Variants in SLC43A2 observed in about 807,000 individuals in gnomAD.
SLC43A2 encodes the protein solute carrier family 43 member 2, also known as large neutral amino acids transporter small subunit 4.
Under a neutral mutation model 63.2 loss-of-function variants are expected in SLC43A2, and 38 were observed. The ratio of observed to expected loss-of-function variants is 0.60; its 90% confidence interval spans 0.46 to 0.79. The LOEUF is 0.79. Among genes scored for constraint, SLC43A2 ranks in the 30% least tolerant of loss-of-function variants. The pLI is 0.00. For missense variants in SLC43A2, 644 were observed against 756.2 expected (o/e 0.85, Z 1.74); for synonymous variants, 322 against 331.0 (o/e 0.97, Z 0.30).
chr17:1,607,879 C>A (rs1472051893), intron 5 of SLC43A2, among the ~76,000 whole-genome samples: 1 of 152,140 alleles, frequency 6.6e-6, no homozygotes, highest in Non-Finnish European at 1.5e-5. Context: ...CCACATCTGG[C>A]TAATTTTTGC....
intron 9 of SLC43A2, 48 bp downstream of exon 9, chr17:1,590,754 G>A: frequency 2.6e-6 from 4 of 1,546,688 alleles, no homozygotes; most frequent in Non-Finnish European, 2.6e-6. Flanking sequence ...CAGTGGGCTG[G>A]GCTCAGGCCG....
intron 9 of SLC43A2, chr17:1,586,928 T>TCTCCCC: frequency 4.1e-6 from 5 of 1,232,916 alleles, no homozygotes; most frequent in Middle Eastern, 1.9e-4. Flanking sequence ...TCCCTGACAA[T>TCTCCCC]CCCCCCCACC....
intron 2 of SLC43A2, among the ~76,000 whole-genome samples, chr17:1,622,037 G>A (rs1203239774): frequency 6.6e-6 from 1 of 152,198 alleles, no homozygotes; most frequent in African/African-American, 2.4e-5. Flanking sequence ...AGAAGCCAGG[G>A]GTGGCCAGTG....
intron 9 of SLC43A2, among the ~76,000 whole-genome samples, chr17:1,589,053 G>A (rs1452011650): frequency 6.6e-6 from 1 of 152,362 alleles, no homozygotes; most frequent in Middle Eastern, 3.4e-3. Context: ...GGTGTTGGGT[G>A]TAACGGGTCA....
chr17:1,627,700 A>G lies in SLC43A2; in HGVS notation c.160+15T>C. On this transcript the variant is annotated intron_variant, in intron 2 of 13. Transcript: ENST00000301335. Reference sequence around the variant, plus strand: ...AGCTCCAGGAGCCCCCCGCAACCCCAGGCGCTTGTCTCACCTGGCTCGGTA... The same window carrying G: ...AGCTCCAGGAGCCCCCCGCAACCCCGGGCGCTTGTCTCACCTGGCTCGGTA... 2 of 772,514 alleles carry G rather than the reference A, an allele frequency of 2.6e-6. No individual in the cohort carries two copies. Among genetic ancestry groups the G allele is most frequent in the South Asian group, 3.1e-5 (1 of 32,756 alleles). The allele number at this position is 772,514 out of a possible 1,614,324, so 47.9% of individuals were successfully genotyped here.
At chr17:1,595,469 G>A (rs991025513) in intron 5 of SLC43A2, among the ~76,000 whole-genome samples, 1 of 151,698 alleles carries the variant, frequency 6.6e-6, no homozygotes, top group Non-Finnish European at 1.5e-5. Flanking sequence ...TTGGAGGCAG[G>A]GTATCGCTCT....
intron 11 of SLC43A2, among the ~76,000 whole-genome samples, chr17:1,581,287 G>C (rs1026279603): frequency 6.6e-6 from 1 of 151,948 alleles, no homozygotes; most frequent in African/African-American, 2.4e-5. Flanking sequence ...CTTTCAGTGA[G>C]ACCTACATAA....
At chr17:1,584,045 G>A (rs1353219769) in intron 10 of SLC43A2, among the ~76,000 whole-genome samples, 2 of 151,832 alleles carry the variant, frequency 1.3e-5, no homozygotes, top group South Asian at 2.1e-4. Context: ...ACAGGCACGC[G>A]CCACCTTACC....
intron 2 of SLC43A2, among the ~76,000 whole-genome samples, chr17:1,618,557 T>C (rs1907886642): frequency 6.6e-6 from 1 of 152,162 alleles, no homozygotes; most frequent in African/African-American, 2.4e-5. Context: ...CGTCAGCGTG[T>C]GTGGAAGCGC....
chr17:1,603,748 G>A (rs7503914), intron 5 of SLC43A2, among the ~76,000 whole-genome samples: 24,936 of 152,078 alleles, frequency 0.16, 2,859 homozygotes, highest in East Asian at 0.39. Context: ...TCGCGCCATT[G>A]CACTCCAGTC....
chr17:1,604,621 A>C, intron 5 of SLC43A2: 7 of 1,075,934 alleles, frequency 6.5e-6, no homozygotes, highest in Non-Finnish European at 9.4e-6. Context: ...TCATCTGCCC[A>C]CCTCAGCCTC....
rs750297242 is a variant in SLC43A2 at position 1,593,143 on chromosome 17, A to G, written c.594+44T>C. 5.7e-6 allele frequency: 9 copies of G among 1,576,926 alleles called. No homozygotes were observed. Among genetic ancestry groups the G allele is most frequent in the Non-Finnish European group, 7.8e-6 (9 of 1,152,508 alleles). The stretch of plus-strand genomic sequence containing the variant: ...TTCAGAGAGGGTGGAAGGAGCCTGG[A>G]GCAGGCCTCTGCACAGACACCAGTG... On this transcript the variant is annotated intron_variant, in intron 6 of 13. Coordinates refer to ENST00000301335, the MANE Select transcript of SLC43A2 (RefSeq NM_152346.3). The surrounding 1 kb of genome is among the most constrained non-coding windows in gnomAD (Gnocchi z 5.3).
At chr17:1,597,227 G>A (rs1256884087) in intron 5 of SLC43A2, among the ~76,000 whole-genome samples, 3 of 126,666 alleles carry the variant, frequency 2.4e-5, no homozygotes, top group Non-Finnish European at 3.4e-5. Flanking sequence ...AAAAGAGGCT[G>A]GGCACGGTGG....
In SLC43A2 at chr17:1,573,460, G is replaced by A. The variant is rs1336028752; in HGVS notation, c.*2144C>T. Reference sequence around the variant, plus strand: ...GCTCCTGAGGAGCCACGGAGCTCATGAGCGTTGGCAAAGTGCTGTCAGTGC... The same window carrying A: ...GCTCCTGAGGAGCCACGGAGCTCATAAGCGTTGGCAAAGTGCTGTCAGTGC... On this transcript the variant is annotated 3_prime_UTR_variant, in exon 14 of 14. Transcript: ENST00000301335. 2.0e-5 allele frequency: 3 copies of A among 152,256 alleles called. No homozygotes were observed. The highest frequency in any genetic ancestry group is 7.2e-5 in the African/African-American group (3 of 41,464). The allele number at this position is 152,256 out of a possible 1,614,324, so 9.4% of individuals were successfully genotyped here. A position where few individuals can be genotyped will look rare whatever the true frequency, so the allele number is the denominator to read the frequency against.
Position 1,585,930 on chromosome 17 carries a change from C to T in SLC43A2, c.1200G>A (p.Glu400=). The T allele has an allele frequency of 1.2e-6, 2 of 1,613,740 alleles. No homozygotes were observed. Among genetic ancestry groups the T allele is most frequent in the Non-Finnish European group, 1.7e-6 (2 of 1,180,012 alleles). Residue 400 remains glutamate, a synonymous_variant, in exon 10 of 14, where the codon GAG becomes GAA. Transcript: ENST00000301335. ...CTACGCACTGGTTGGCGTCTTTCTC[C>T]TCGGGCTCCTCGGAGGCGTCTTCAC... ...KECEDASEEP[E]EKDANQGEKK...
In SLC43A2 at chr17:1,588,901, G is replaced by A. The variant is rs147141353; in HGVS notation, c.1078+1901C>T. On this transcript the variant is annotated intron_variant, in intron 9 of 13. Transcript: ENST00000301335. The stretch of plus-strand genomic sequence containing the variant: ...CTCTGCCGCGGGTGGTCGCGGGGCC[G>A]TACGCGGAGGCGATGGCTCTGGTGC... Among the ~76,000 whole-genome samples the A allele has an allele frequency of 9.9e-4, 150 of 152,252 alleles. 1 individual carries two copies. The highest frequency in any genetic ancestry group is 3.4e-3 in the African/African-American group (142 of 41,542).
Position 1,605,216 on chromosome 17 carries a change from A to C in SLC43A2, c.501+7979T>G. 9.0e-7 allele frequency: 1 copy of C among 1,116,338 alleles called. No individual in the cohort carries two copies. The highest frequency in any genetic ancestry group is 1.1e-6 in the Non-Finnish European group (1 of 907,330). 69.2% of individuals were successfully genotyped at this position (1,116,338 alleles called of 1,614,324 possible). On this transcript the variant is annotated intron_variant, in intron 5 of 13. Transcript: ENST00000301335. This position sits in a 1 kb window ranked among gnomAD's most constrained non-coding sequence, Gnocchi z 4.9. ...ACTGCCTCCACGCAGCCTCAGTCAC[A>C]CAGGGAAGCCCGTGACTCTCTCTCT...
intron 5 of SLC43A2, among the ~76,000 whole-genome samples, chr17:1,600,181 G>C (rs1452968207): frequency 1.3e-5 from 1 of 74,884 alleles, no homozygotes; most frequent in Non-Finnish European, 2.4e-5. Context: ...GACGGAGTCT[G>C]GCTCTGTCAC....
At chr17:1,611,006 A>G (rs1156829315) in intron 5 of SLC43A2, among the ~76,000 whole-genome samples, 2 of 151,702 alleles carry the variant, frequency 1.3e-5, no homozygotes, top group Admixed American at 6.6e-5. Context: ...GTGCCCAGCT[A>G]ATTTTTGTAT....
Sources: allele counts gnomAD v4.1 joint callset (sites outside exome capture counted in the v4.1 genomes callset), GRCh38; gene constraint gnomAD v4.1.1; non-coding constraint Gnocchi (gnomAD v3.1); transcripts MANE v1.5; gene names NCBI Gene and HGNC (gene_info 2026-07-23, HGNC 2026-07-21).